BCAS3: variants seen among roughly 807,000 people sequenced by gnomAD.
BCAS3 encodes the protein BCAS4/BCAS3 fusion.
BCAS3 carries 53 observed loss-of-function variants against 116.1 expected under a neutral mutation model. That is an observed-to-expected ratio of 0.46 (90% CI 0.37 to 0.57). The LOEUF (loss-of-function observed/expected upper bound fraction) is 0.57, where lower values mean the gene tolerates loss of function less well. BCAS3 is among the 20% of genes least tolerant of loss of function. The probability of loss-of-function intolerance (pLI) is 0.00; values close to 1 mark genes in which losing one functional copy is unlikely to be tolerated. For synonymous variants in BCAS3, 391 were observed against 408.2 expected, an observed-to-expected ratio of 0.96 and a Z score of 0.51; for missense variants, 917 against 1,165.4, an observed-to-expected ratio of 0.79 and a Z score of 3.10.
intron 5 of BCAS3, among the ~76,000 whole-genome samples, chr17:60,743,374 C>A (rs1347833702): frequency 6.6e-6 from 1 of 151,956 alleles, no homozygotes; most frequent in East Asian, 1.9e-4. Context: ...TGTAGCAGGA[C>A]CTTCTGAGTA....
At chr17:61,370,317 T>A (rs1234686836) in intron 23 of BCAS3, among the ~76,000 whole-genome samples, 3 of 151,798 alleles carry the variant, frequency 2.0e-5, no homozygotes, top group Admixed American at 6.6e-5. Context: ...CCCCAAACTG[T>A]CACCAAAAGG....
intron 22 of BCAS3, among the ~76,000 whole-genome samples, chr17:61,271,265 T>A (rs2050223339): frequency 6.7e-6 from 1 of 150,224 alleles, no homozygotes; most frequent in Non-Finnish European, 1.5e-5. Context: ...GTAGCTGGGA[T>A]TACAGGCGCA....
intron 22 of BCAS3, among the ~76,000 whole-genome samples, chr17:61,164,322 A>G (rs1354440690): frequency 6.6e-6 from 1 of 152,098 alleles, no homozygotes; most frequent in Non-Finnish European, 1.5e-5. Context: ...TGGAAATGTA[A>G]TCTCCAATGA....
chr17:61,246,894 A>G (rs1207869799), intron 22 of BCAS3, among the ~76,000 whole-genome samples: 1 of 151,774 alleles, frequency 6.6e-6, no homozygotes, highest in Non-Finnish European at 1.5e-5. Context: ...ATGTTATCCC[A>G]TCATTCGGAG....
At chr17:60,880,207 A>C (rs535058742) in intron 9 of BCAS3, among the ~76,000 whole-genome samples, 1 of 152,300 alleles carries the variant, frequency 6.6e-6, no homozygotes, top group South Asian at 2.1e-4. Flanking sequence ...ATGGTTAAAC[A>C]CATCTGTGAA....
intron 4 of BCAS3, among the ~76,000 whole-genome samples, chr17:60,704,397 C>G (rs549684470): frequency 6.6e-6 from 1 of 152,246 alleles, no homozygotes; most frequent in Admixed American, 6.5e-5. Flanking sequence ...AACCCCTGAG[C>G]CTTGGAGGGA....
At chr17:60,942,861 A>C (rs2060296586) in intron 13 of BCAS3, among the ~76,000 whole-genome samples, 1 of 152,154 alleles carries the variant, frequency 6.6e-6, no homozygotes, top group African/African-American at 2.4e-5. Context: ...AGCAAGGTAA[A>C]CGTAGAAACC....
chr17:60,681,833 G>A (rs763464341), intron 2 of BCAS3, among the ~76,000 whole-genome samples: 8 of 152,220 alleles, frequency 5.3e-5, no homozygotes, highest in East Asian at 1.9e-4. Flanking sequence ...GGGTTCAAGC[G>A]ATTCTCCTGC....
rs916651063 is a variant in BCAS3, at chr17:60,924,130, T to C, written c.994-277T>C. On this transcript the variant is annotated intron_variant, in intron 12 of 23. Transcript: ENST00000407086. ...AAATAGTTGATTGTATCATTTTTTT[T>C]CCTCTGAACCTATACTTGAAGAAGT... 9.2e-5 allele frequency among the ~76,000 whole-genome samples: 14 copies of C among 152,294 alleles called. 1 individual carries two copies. The highest frequency in any genetic ancestry group is 4.2e-4 in the South Asian group (2 of 4,818).
At chr17:60,774,885 G>C (rs1403960533) in intron 6 of BCAS3, among the ~76,000 whole-genome samples, 1 of 152,158 alleles carries the variant, frequency 6.6e-6, no homozygotes, top group African/African-American at 2.4e-5. Flanking sequence ...CGTGTTGTTG[G>C]ATGTCTGAAA....
rs906642284 is a variant in BCAS3 at position 61,217,973 on chromosome 17, C to A, written c.2425+133409C>A. 6.6e-6 allele frequency among the ~76,000 whole-genome samples: 1 copy of A among 152,130 alleles called. No homozygotes were observed. ...CACTGATAATTTAGTGGACTGGTTA[C>A]CACCAGAATCCTTGGGATTATCTGA... On this transcript the variant is annotated intron_variant, in intron 22 of 23. Coordinates refer to ENST00000407086, the MANE Select transcript of BCAS3 (RefSeq NM_017679.5). This position sits in a 1 kb window ranked among gnomAD's most constrained non-coding sequence, Gnocchi z 5.2.
rs763088024 is a variant in BCAS3 at position 61,316,236 on chromosome 17, G to A, written c.2426-52091G>A. Among the ~76,000 whole-genome samples, 1 of 152,146 alleles carries A rather than the reference G, an allele frequency of 6.6e-6. No homozygotes were observed. The highest frequency in any genetic ancestry group is 1.5e-5 in the Non-Finnish European group (1 of 68,014). ...CAGGAGAATCACCTGAGTCCAGGAG[G>A]TGGAGGCTGCAGTGAGCCGGGATCA... On this transcript the variant is annotated intron_variant, in intron 22 of 23. Coordinates refer to ENST00000407086, the MANE Select transcript of BCAS3 (RefSeq NM_017679.5). This position sits in a 1 kb window ranked among gnomAD's most constrained non-coding sequence, Gnocchi z 5.8.
Position 60,802,295 on chromosome 17 carries a change from A to AAAAATATATAT in BCAS3, c.404-5708_404-5707insAAATATATATA, listed in dbSNP as rs1299403402. Among the ~76,000 whole-genome samples the AAAAATATATAT allele has an allele frequency of 3.7e-4, 47 of 127,932 alleles. 1 individual carries two copies. The highest frequency in any genetic ancestry group is 1.6e-3 in the African/African-American group (45 of 27,520). 83.9% of individuals were successfully genotyped at this position (127,932 alleles called of 152,430 possible). On this transcript the variant is annotated intron_variant, in intron 6 of 23. Coordinates refer to ENST00000407086, the MANE Select transcript of BCAS3 (RefSeq NM_017679.5). ...TGAGACTCTGTCTCAAAAAAAAAAA[A>AAAAATATATAT]ATATATATATATATATATATATGCA...
At chr17:61,386,789 GTTTTTTGTTTTTTTT>G (rs2059878045) in intron 23 of BCAS3, among the ~76,000 whole-genome samples, 1 of 120,964 alleles carries the variant, frequency 8.3e-6, no homozygotes, top group Admixed American at 1.1e-4. Context: ...TTTTGTTTTT[GTTTTTTGTTTTTTTT>G]TTTTTTTTTG....
chr17:60,689,876 G>A, intron 4 of BCAS3, 115 bp downstream of exon 4: 1 of 705,418 alleles, frequency 1.4e-6, no homozygotes, highest in Non-Finnish European at 2.3e-6. Flanking sequence ...TAATTTTTCA[G>A]TTTTCAAAAT....
intron 14 of BCAS3, among the ~76,000 whole-genome samples, chr17:60,976,443 T>A (rs8076274): frequency 0.14 from 13,861 of 100,002 alleles, 1,291 homozygotes; most frequent in African/African-American, 0.41. Context: ...ATATATATAT[T>A]TTTTTTTTAG....
intron 6 of BCAS3, among the ~76,000 whole-genome samples, chr17:60,802,618 A>C (rs888259513): frequency 6.6e-6 from 1 of 152,082 alleles, no homozygotes; most frequent in Non-Finnish European, 1.5e-5. Flanking sequence ...TGAAAAGCTA[A>C]TTGAAAACAT....
intron 23 of BCAS3, among the ~76,000 whole-genome samples, chr17:61,369,022 G>A (rs963300707): frequency 3.3e-5 from 5 of 152,158 alleles, no homozygotes; most frequent in African/African-American, 9.7e-5. Context: ...GCATCCCAGA[G>A]CAATCAGAAG....
At chr17:61,090,450 AAATATTAAGATTGGCT>A (rs2073456651) in intron 22 of BCAS3, among the ~76,000 whole-genome samples, 1 of 152,202 alleles carries the variant, frequency 6.6e-6, no homozygotes, top group East Asian at 1.9e-4. Context: ...ATTCAAACTC[AAATATTAAGATTGGCT>A]TTTATATTAG....
Sources: gnomAD v4.1 joint callset for allele counts (sites outside exome capture counted in the v4.1 genomes callset) on GRCh38, gnomAD v4.1.1 for gene constraint, Gnocchi (gnomAD v3.1) non-coding constraint, MANE v1.5 for transcripts, NCBI Gene and HGNC (gene_info 2026-07-23, HGNC 2026-07-21) for gene names.